EML2: variants seen among roughly 807,000 people sequenced by gnomAD.
EML2 encodes EMAP like 2.
A neutral mutation model predicts 84.7 loss-of-function variants in EML2; 59 were observed. The observed-to-expected ratio is 0.70, with a 90% confidence interval of 0.56 to 0.86. EML2 has a LOEUF of 0.86. EML2 is among the 40% of genes least tolerant of loss of function. The pLI is 0.00. For synonymous variants in EML2, 352 were observed against 348.9 expected (o/e 1.01, Z -0.10); for missense variants, 818 against 855.6 (o/e 0.96, Z 0.55).
intron 9 of EML2, among the ~76,000 whole-genome samples, chr19:45,624,460 A>G (rs1357363830): frequency 1.3e-5 from 2 of 152,022 alleles, no homozygotes; most frequent in African/African-American, 4.8e-5. Flanking sequence ...TCCATTCATC[A>G]TCTAAACACA....
At chr19:45,626,959 TC>T in intron 7 of EML2, 120 bp from the exon 8 acceptor site, 15 of 830,382 alleles carry the variant, frequency 1.8e-5, no homozygotes, top group South Asian at 1.5e-4. Context: ...CCTGAACTTT[TC>T]TTTTTTTTTT....
At position 45,609,665 on chromosome 19, in the gene EML2, A is replaced by G; in HGVS notation, c.1948T>C (p.Ter650ArgextTer42). The part of the protein sequence containing the change: ...DTSVLQWRVV[*>R] ...CACCTGACTCTTCCCTGGCCGCATC[A>G]GACCACCCGCCACTGTAGCACACTG... The change falls in exon 19 of 19, where the codon TGA becomes CGA. Residue 650 changes from the stop codon to arginine (R), a stop_lost. Transcript: ENST00000245925. 1 of 1,600,240 alleles carries G rather than the reference A, an allele frequency of 6.2e-7. No homozygotes were observed. Among genetic ancestry groups the G allele is most frequent in the Middle Eastern group, 1.7e-4 (1 of 6,010 alleles).
At chr19:45,616,340 G>C (rs1600088630) in intron 15 of EML2, 121 bp downstream of exon 15, 1 of 726,976 alleles carries the variant, frequency 1.4e-6, no homozygotes, top group East Asian at 2.6e-5. Context: ...AAGACTCCTT[G>C]CTCTGATCAG....
Position 45,609,578 on chromosome 19 carries a change from T to A in EML2, c.*85A>T. ...ATAACCCCCTCTGCTATAGACATAC[T>A]CTGGGTATATATTACTCTACTCGGC... On this transcript the variant is annotated 3_prime_UTR_variant, in exon 19 of 19. Transcript: ENST00000245925. 23 of 1,196,510 alleles carry A rather than the reference T, an allele frequency of 1.9e-5. No individual in the cohort carries two copies. Among genetic ancestry groups the A allele is most frequent in the East Asian group, 6.8e-5 (2 of 29,466 alleles). The allele number at this position is 1,196,510 out of a possible 1,614,324, so 74.1% of individuals were successfully genotyped here.
At chr19:45,644,698 T>A (rs1301516895), upstream of EML2, 2 of 455,818 alleles carry the variant, frequency 4.4e-6, no homozygotes. Context: ...TCTTCTCCTA[T>A]CTCCCCTCAC....
At chr19:45,612,286 AACT>A (rs1970575684) in intron 18 of EML2, among the ~76,000 whole-genome samples, 1 of 152,018 alleles carries the variant, frequency 6.6e-6, no homozygotes, top group Non-Finnish European at 1.5e-5. Flanking sequence ...GCTGGTCTCA[AACT>A]CCTGACCTCA....
chr19:45,611,688 A>G (rs1454321200), intron 18 of EML2, among the ~76,000 whole-genome samples: 1 of 152,058 alleles, frequency 6.6e-6, no homozygotes, highest in Admixed American at 6.6e-5. Context: ...GGGTTTCACC[A>G]TGTTGGCCAG....
intron 3 of EML2, 60 bp from the exon 4 acceptor site, chr19:45,634,531 G>A: frequency 8.0e-7 from 1 of 1,242,282 alleles, no homozygotes; most frequent in Non-Finnish European, 1.0e-6. Flanking sequence ...TGTTTGTTTT[G>A]TTTTTATTTA....
chr19:45,645,593 C>G (rs529646194), upstream of EML2: 41 of 719,736 alleles, frequency 5.7e-5, 1 homozygote, highest in South Asian at 7.9e-4. Flanking sequence ...CCCGGATCCC[C>G]CTAGGTACCG....
At chr19:45,615,987 G>A in intron 15 of EML2, 98 bp from the exon 16 acceptor site, 2 of 887,436 alleles carry the variant, frequency 2.3e-6, no homozygotes, top group East Asian at 2.6e-5. Context: ...AAATACAGAG[G>A]TAGGGCGAGA....
At chr19:45,631,293 G>A (rs1972993621) in intron 6 of EML2, among the ~76,000 whole-genome samples, 1 of 152,124 alleles carries the variant, frequency 6.6e-6, no homozygotes, top group Admixed American at 6.6e-5. Flanking sequence ...AAACCGGTGA[G>A]GGTCCAATCC....
At chr19:45,617,827 A>C (rs1600097688) in intron 12 of EML2, 130 bp from the exon 13 acceptor site, 2 of 673,218 alleles carry the variant, frequency 3.0e-6, no homozygotes. Flanking sequence ...CCTTTGGGAC[A>C]CCCCCACCCC....
Position 45,624,926 on chromosome 19 carries a change from C to T in EML2, c.742-108G>A, listed in dbSNP as rs1241409318. ...GGCCAGGCAATCCCCTCTATCTATG[C>T]GTTTAGGGTAAGGCTCTGCGTGGAG... On this transcript the variant is annotated intron_variant, in intron 8 of 18. Transcript: ENST00000245925. 11 of 758,524 alleles carry T rather than the reference C, an allele frequency of 1.5e-5. 1 individual carries two copies. Among genetic ancestry groups the T allele is most frequent in the South Asian group, 1.3e-4 (8 of 62,736 alleles). 47.0% of individuals were successfully genotyped at this position (758,524 alleles called of 1,614,324 possible).
chr19:45,623,193 A>T (rs910753683), intron 9 of EML2, among the ~76,000 whole-genome samples: 2 of 150,496 alleles, frequency 1.3e-5, no homozygotes, highest in Non-Finnish European at 3.0e-5. Context: ...CCCCGTCTCT[A>T]CTAAAAATAC....
upstream of EML2, among the ~76,000 whole-genome samples, chr19:45,643,166 C>A (rs1974737955): frequency 6.6e-6 from 1 of 152,184 alleles, no homozygotes. Context: ...TGAATACCAA[C>A]GTCTCTTCAC....
At chr19:45,617,751 TGGA>T in intron 12 of EML2, 54 bp from the exon 13 acceptor site, 1 of 1,552,392 alleles carries the variant, frequency 6.4e-7, no homozygotes, top group Non-Finnish European at 8.8e-7. Context: ...CATGTCCATC[TGGA>T]CATTCTCTTG....
intron 18 of EML2, among the ~76,000 whole-genome samples, chr19:45,610,098 T>C (rs1010585099): frequency 6.6e-6 from 1 of 152,222 alleles, no homozygotes; most frequent in Admixed American, 6.5e-5. Flanking sequence ...ATAAGCCCTT[T>C]GTTTAAGAAC....
chr19:45,622,934 A>G (rs1335383155), intron 9 of EML2, among the ~76,000 whole-genome samples: 1 of 151,548 alleles, frequency 6.6e-6, no homozygotes, highest in African/African-American at 2.4e-5. Context: ...CTGTAGTCCC[A>G]GCTACTTGGG....
At chr19:45,640,837 C>G (rs1974394349), upstream of EML2, 1 of 152,222 alleles carries the variant, frequency 6.6e-6, no homozygotes, top group African/African-American at 2.4e-5. Context: ...ATTATATAGC[C>G]TTAGTTTTTG....
Sources: allele counts gnomAD v4.1 joint callset (sites outside exome capture counted in the v4.1 genomes callset), GRCh38; gene constraint gnomAD v4.1.1; transcripts MANE v1.5; gene names NCBI Gene and HGNC (gene_info 2026-07-23, HGNC 2026-07-21).